The following TADA1 variants were observed in gnomAD, a reference collection of about 807,000 sequenced individuals.
The protein encoded by TADA1 is transcriptional adapter 1.
TADA1 carries 23 observed loss-of-function variants against 39.3 expected under a neutral mutation model. The observed-to-expected ratio is 0.58, with a 90% CI of 0.42 to 0.83. TADA1 has a LOEUF of 0.83. TADA1 is among the 40% of genes least tolerant of loss of function. The pLI, the probability that TADA1 is intolerant of heterozygous loss-of-function variation, is 0.00. For missense variants in TADA1, 352 were observed against 408.1 expected (o/e 0.86, Z 1.18); for synonymous variants, 137 against 151.8 (o/e 0.90, Z 0.72).
At position 166,876,088 on chromosome 1, in the gene TADA1, G is replaced by A. The variant is rs1008245896; in HGVS notation, c.74+72C>T. 26 of 1,441,082 alleles carry A rather than the reference G, an allele frequency of 1.8e-5. No homozygotes were observed. In the Admixed American group the frequency reaches 5.5e-4, roughly 30 times the overall value. The allele number at this position is 1,441,082 out of a possible 1,614,324, so 89.3% of individuals were successfully genotyped here. On this transcript the variant is annotated intron_variant, in intron 1 of 7. Coordinates refer to ENST00000367874, the MANE Select transcript of TADA1 (RefSeq NM_053053.4). ...CCCCGGGCGACGCGGGCGTCTCCGGGGCGGGCTGGCAGCCCGAGGCCAGGA... is the reference window on the plus strand; with the variant it reads ...CCCCGGGCGACGCGGGCGTCTCCGGAGCGGGCTGGCAGCCCGAGGCCAGGA...
intron 1 of TADA1, among the ~76,000 whole-genome samples, chr1:166,872,755 G>A (rs1047963014): frequency 6.6e-6 from 1 of 152,024 alleles, no homozygotes; most frequent in Non-Finnish European, 1.5e-5. Context: ...GCCCTCACCA[G>A]AAGATGCTGG....
intron 1 of TADA1, among the ~76,000 whole-genome samples, chr1:166,874,231 CT>C (rs1178255330): frequency 2.6e-5 from 4 of 151,696 alleles, no homozygotes; most frequent in African/African-American, 9.7e-5. Flanking sequence ...ATCCCAGCTA[CT>C]CAGGAGGCTG....
In TADA1 at chr1:166,856,695, T is replaced by C. The variant is rs956028945; in HGVS notation, c.*872A>G. On this transcript the variant is annotated 3_prime_UTR_variant, in exon 8 of 8. Transcript: ENST00000367874. ...AAAGCAACATATCTCTTAAGTAGGT[T>C]TGTTATCAGTAACACTATCGAATGT... 2 of 152,688 alleles carry C rather than the reference T, an allele frequency of 1.3e-5. No individual in the cohort carries two copies. The highest frequency in any genetic ancestry group is 2.9e-5 in the Non-Finnish European group (2 of 68,042). The allele number at this position is 152,688 out of a possible 1,614,324, so 9.5% of individuals were successfully genotyped here. A position where few individuals can be genotyped will look rare whatever the true frequency, so the allele number is the denominator to read the frequency against.
intron 3 of TADA1, 148 bp downstream of exon 3, chr1:166,869,297 T>G: frequency 1.8e-6 from 1 of 554,858 alleles, no homozygotes; most frequent in Non-Finnish European, 3.2e-6. Context: ...AAAGATTCTG[T>G]AAAAGAATTT....
chr1:166,869,568 AC>A, intron 2 of TADA1, 58 bp from the exon 3 acceptor site: 1 of 1,577,190 alleles, frequency 6.3e-7, no homozygotes. Flanking sequence ...TAAGGAAACC[AC>A]AACTTTGGTC....
chr1:166,868,031 GTAAGCACAA>G (rs772514491), intron 3 of TADA1, among the ~76,000 whole-genome samples: 3 of 152,168 alleles, frequency 2.0e-5, no homozygotes, highest in Non-Finnish European at 4.4e-5. Flanking sequence ...ACAGGAGTTG[GTAAGCACAA>G]TTGTAATGGT....
intron 7 of TADA1, 39 bp downstream of exon 7, chr1:166,858,080 T>C (rs2101784931): frequency 6.2e-7 from 1 of 1,607,302 alleles, no homozygotes; most frequent in Non-Finnish European, 8.5e-7. Context: ...TCTTAACCTA[T>C]CCATAAACCT....
intron 4 of TADA1, chr1:166,862,712 A>G (rs1229238551): frequency 2.5e-6 from 1 of 404,666 alleles, no homozygotes; most frequent in Non-Finnish European, 4.5e-6. Flanking sequence ...ACTGAAAGAG[A>G]AGGAGAAGTA....
chr1:166,876,024 C>G (rs1488524567), intron 1 of TADA1, 136 bp downstream of exon 1: 1 of 845,350 alleles, frequency 1.2e-6, no homozygotes, highest in Non-Finnish European at 1.7e-6. Flanking sequence ...CCGGAGAAAC[C>G]CCGAAGCCCC....
chr1:166,860,607 A>C (rs1233858368), intron 5 of TADA1, among the ~76,000 whole-genome samples: 1 of 152,248 alleles, frequency 6.6e-6, no homozygotes, highest in Admixed American at 6.5e-5. Context: ...AAAAGTCTTT[A>C]CATCTCTAAA....
intron 3 of TADA1, 28 bp from the exon 4 acceptor site, chr1:166,863,949 GT>G (rs766253423): frequency 6.4e-7 from 1 of 1,558,262 alleles, no homozygotes; most frequent in Middle Eastern, 1.7e-4. Flanking sequence ...ATAACCATAA[GT>G]AAAAATAATG....
In TADA1 at chr1:166,857,531, G is replaced by A. The variant is rs754043370; in HGVS notation, c.*36C>T. On this transcript the variant is annotated 3_prime_UTR_variant, in exon 8 of 8. Coordinates refer to ENST00000367874, the MANE Select transcript of TADA1 (RefSeq NM_053053.4). ...AAACATTCAATTTTCAGTAATCAAT[G>A]AATTCGGTGAGGGTCCCACACCCTC... 6.2e-7 allele frequency: 1 copy of A among 1,606,650 alleles called. No individual in the cohort carries two copies. Among genetic ancestry groups the A allele is most frequent in the African/African-American group, 1.3e-5 (1 of 74,588 alleles).
chr1:166,857,738 C>G lies in TADA1; in HGVS notation c.856-19G>C. 6.2e-7 allele frequency: 1 copy of G among 1,607,204 alleles called. No individual in the cohort carries two copies. On this transcript the variant is annotated intron_variant, in intron 7 of 7. Coordinates refer to ENST00000367874, the MANE Select transcript of TADA1 (RefSeq NM_053053.4). ...TGTGCACCTGGGATTAAAAAATTAA[C>G]GCATGTCCAATTATACTTGAGTAGA...
chr1:166,872,680 A>C (rs1658683548), intron 1 of TADA1, among the ~76,000 whole-genome samples: 1 of 151,930 alleles, frequency 6.6e-6, no homozygotes, highest in Non-Finnish European at 1.5e-5. Flanking sequence ...CTCCAAAAAA[A>C]AAAACCAAAG....
intron 1 of TADA1, among the ~76,000 whole-genome samples, chr1:166,873,712 T>C (rs1302930898): frequency 6.6e-6 from 1 of 152,226 alleles, no homozygotes; most frequent in East Asian, 1.9e-4. Flanking sequence ...TAACTGTTTC[T>C]GGCATAAAAA....
chr1:166,876,201 G>T lies in TADA1; in HGVS notation c.33C>A (p.Ala11=). The T allele has an allele frequency of 6.2e-7, 1 of 1,613,716 alleles. No homozygotes were observed. Among genetic ancestry groups the T allele is most frequent in the Non-Finnish European group, 8.5e-7 (1 of 1,179,858 alleles). ...CCAGGGCCTCGCTTAAGTTCTTCTT[G>T]GCCGCCTCCAGCTCGCTCACAAAGG... MATFVSELEA[A]KKNLSEALGD... The change falls in exon 1 of 8, where the codon GCC becomes GCA. Residue 11 remains alanine (A), a synonymous_variant. Coordinates refer to ENST00000367874, the MANE Select transcript of TADA1 (RefSeq NM_053053.4).
intron 1 of TADA1, among the ~76,000 whole-genome samples, chr1:166,873,322 A>T (rs1315671241): frequency 6.6e-6 from 1 of 152,234 alleles, no homozygotes; most frequent in Non-Finnish European, 1.5e-5. Flanking sequence ...AATCCTCAAA[A>T]GAAATCAGGC....
intron 5 of TADA1, 63 bp downstream of exon 5, chr1:166,862,140 T>G (rs539868176): frequency 6.7e-7 from 1 of 1,503,716 alleles, no homozygotes; most frequent in African/African-American, 1.4e-5. Flanking sequence ...ATACCGACTT[T>G]AAACAACACA....
In TADA1 at chr1:166,860,413, A is replaced by C. The variant is rs1291049266; in HGVS notation, c.541-76T>G. 5 of 1,424,580 alleles carry C rather than the reference A, an allele frequency of 3.5e-6. No individual in the cohort carries two copies. In the Admixed American group the frequency reaches 1.1e-4, roughly 31 times the overall value. 88.2% of individuals were successfully genotyped at this position (1,424,580 alleles called of 1,614,324 possible). A position where few individuals can be genotyped will look rare whatever the true frequency, so the allele number is the denominator to read the frequency against. On this transcript the variant is annotated intron_variant, in intron 5 of 7. Coordinates refer to ENST00000367874, the MANE Select transcript of TADA1 (RefSeq NM_053053.4). ...TCATAAAACTTCCACTGACCAAAAA[A>C]CATTTATTGGCATTTAGATGGAGAT... is the stretch of plus-strand genomic sequence containing the variant.
Sources: gnomAD v4.1 joint callset for allele counts (sites outside exome capture counted in the v4.1 genomes callset) on GRCh38, gnomAD v4.1.1 for gene constraint, MANE v1.5 for transcripts, NCBI Gene and HGNC (gene_info 2026-07-23, HGNC 2026-07-21) for gene names.